The following STK38L variants were observed in gnomAD, a reference collection of about 807,000 sequenced individuals.
STK38L encodes the protein serine/threonine kinase 38 like, also known as serine/threonine-protein kinase 38-like.
STK38L carries 28 observed loss-of-function variants against 59.7 expected under a neutral mutation model. The observed-to-expected ratio is 0.47, with a 90% CI of 0.35 to 0.64. The LOEUF is 0.64. Ranked by LOEUF, STK38L falls within the 30% of genes least tolerant of loss-of-function variation. STK38L has a pLI of 0.01. For missense variants in STK38L, 314 were observed against 555.8 expected (o/e 0.56, Z 4.37); for synonymous variants, 162 against 176.8 (o/e 0.92, Z 0.66).
chr12:27,288,561 C>T (rs1343284990), intron 1 of STK38L, among the ~76,000 whole-genome samples: 3 of 152,070 alleles, frequency 2.0e-5, no homozygotes, highest in South Asian at 4.1e-4. Flanking sequence ...CCCAAATTCT[C>T]TAGATCACTG....
chr12:27,246,128 T>C (rs570477192), intron 1 of STK38L, among the ~76,000 whole-genome samples: 1 of 152,228 alleles, frequency 6.6e-6, no homozygotes, highest in South Asian at 2.1e-4. Context: ...ACTTGATTTC[T>C]AAAGGTAGGA....
intron 11 of STK38L, among the ~76,000 whole-genome samples, chr12:27,319,075 CCT>C (rs2136652684): frequency 6.6e-6 from 1 of 152,144 alleles, no homozygotes; most frequent in African/African-American, 2.4e-5. Context: ...AAAAAGCAGA[CCT>C]AACATAGTAA....
At chr12:27,303,184 C>T (rs938369593) in intron 3 of STK38L, among the ~76,000 whole-genome samples, 3 of 151,852 alleles carry the variant, frequency 2.0e-5, no homozygotes, top group African/African-American at 7.3e-5. Context: ...GCTTGGAACT[C>T]TTCCTCACTC....
At chr12:27,320,648 C>T (rs1238806220) in intron 12 of STK38L, among the ~76,000 whole-genome samples, 2 of 152,004 alleles carry the variant, frequency 1.3e-5, no homozygotes, top group Non-Finnish European at 2.9e-5. Flanking sequence ...GTTTTAAGTA[C>T]TTTACTTGCG....
chr12:27,314,290 A>G (rs1447067441), intron 6 of STK38L, among the ~76,000 whole-genome samples: 2 of 151,724 alleles, frequency 1.3e-5, no homozygotes, highest in African/African-American at 4.8e-5. Flanking sequence ...AATCTCAGCT[A>G]CTTGGGTGGC....
Position 27,322,433 on chromosome 12 carries a change from A to T in STK38L, c.1373A>T (p.Tyr458Phe). ...GLTQRGSIPTYMKAGKL is the reference protein window; with the variant it reads ...GLTQRGSIPTFMKAGKL The stretch of plus-strand genomic sequence containing the variant: ...ACTCAACGTGGCTCTATCCCCACCT[A>T]CATGAAAGCTGGGAAGTTATGAATG... Residue 458 changes from tyrosine (Y) to phenylalanine (F), a missense_variant, in exon 14 of 14, where the codon TAC becomes TTC. By Grantham distance (22) the Tyr-to-Phe change is conservative. Coordinates refer to ENST00000389032, the MANE Select transcript of STK38L (RefSeq NM_015000.4). 1 of 1,613,128 alleles carries T rather than the reference A, an allele frequency of 6.2e-7. No individual in the cohort carries two copies.
chr12:27,293,768 C>A (rs990633744), intron 1 of STK38L: 1 of 152,206 alleles, frequency 6.6e-6, no homozygotes, highest in Non-Finnish European at 1.5e-5. Context: ...TGTGTTATTT[C>A]TTTGTGCTTT....
chr12:27,272,484 C>T (rs1394716648), intron 1 of STK38L, among the ~76,000 whole-genome samples: 3 of 152,152 alleles, frequency 2.0e-5, no homozygotes, highest in Non-Finnish European at 4.4e-5. Flanking sequence ...TCTTTTCCCT[C>T]CTTTATATGG....
chr12:27,282,053 A>G (rs563211999), intron 1 of STK38L, among the ~76,000 whole-genome samples: 1 of 152,310 alleles, frequency 6.6e-6, no homozygotes, highest in South Asian at 2.1e-4. Flanking sequence ...ACACCAGAGT[A>G]AACTGACATT....
At chr12:27,277,033 T>C (rs1943551052) in intron 1 of STK38L, among the ~76,000 whole-genome samples, 1 of 152,212 alleles carries the variant, frequency 6.6e-6, no homozygotes, top group Non-Finnish European at 1.5e-5. Flanking sequence ...TTCACAACTC[T>C]TGAAGTATTT....
chr12:27,248,666 CTG>C (rs1478902275), intron 1 of STK38L, among the ~76,000 whole-genome samples: 2 of 152,136 alleles, frequency 1.3e-5, no homozygotes, highest in African/African-American at 4.8e-5. Flanking sequence ...GTCATAGTCT[CTG>C]TGAACGAATA....
At chr12:27,252,156 T>A (rs573973274) in intron 1 of STK38L, among the ~76,000 whole-genome samples, 386 of 152,240 alleles carry the variant, frequency 2.5e-3, no homozygotes, top group Non-Finnish European at 4.0e-3. Context: ...ATTTTTTGTA[T>A]TTTTAGTAGA....
intron 3 of STK38L, among the ~76,000 whole-genome samples, chr12:27,306,627 A>AT (rs2136643927): frequency 6.6e-6 from 1 of 151,850 alleles, no homozygotes; most frequent in Admixed American, 6.6e-5. Flanking sequence ...TATCAATGTA[A>AT]TTTTAGCTCC....
rs539184392 is a variant in STK38L at position 27,294,121 on chromosome 12, T to A, written c.-11-3589T>A. On this transcript the variant is annotated intron_variant, in intron 1 of 13. Transcript: ENST00000389032. Reference sequence around the variant, plus strand: ...CAAAAAGCATTTGAAGAGAACTATCTATGAACTGCAATTTTATATGCCTAG... The same window carrying A: ...CAAAAAGCATTTGAAGAGAACTATCAATGAACTGCAATTTTATATGCCTAG... Among the ~76,000 whole-genome samples, 4 of 152,362 alleles carry A rather than the reference T, an allele frequency of 2.6e-5. No homozygotes were observed. The East Asian group carries it at 7.7e-4, about 29-fold the overall frequency.
intron 1 of STK38L, chr12:27,293,479 C>T (rs1943941088): frequency 2.0e-5 from 3 of 152,368 alleles, no homozygotes; most frequent in South Asian, 2.1e-4. Flanking sequence ...TCTTGTTACT[C>T]AGTGTCTTAC....
intron 1 of STK38L, among the ~76,000 whole-genome samples, chr12:27,255,404 T>C (rs1354907774): frequency 6.6e-6 from 1 of 152,196 alleles, no homozygotes; most frequent in Non-Finnish European, 1.5e-5. Context: ...CACAAGATAT[T>C]GGACTGACAA....
chr12:27,294,358 A>G (rs1283710307), intron 1 of STK38L, among the ~76,000 whole-genome samples: 1 of 151,996 alleles, frequency 6.6e-6, no homozygotes, highest in Non-Finnish European at 1.5e-5. Flanking sequence ...CATCTCTACT[A>G]AATATACAAA....
chr12:27,297,932 A>G, intron 2 of STK38L, 78 bp downstream of exon 2: 2 of 1,512,332 alleles, frequency 1.3e-6, no homozygotes, highest in Non-Finnish European at 1.8e-6. Context: ...CTTGTTTACC[A>G]TGAATGATAT....
intron 1 of STK38L, among the ~76,000 whole-genome samples, chr12:27,285,229 A>T (rs1381636453): frequency 6.6e-6 from 1 of 152,218 alleles, no homozygotes; most frequent in Non-Finnish European, 1.5e-5. Flanking sequence ...AACAGCAAAC[A>T]AAATAACACA....
Sources: gnomAD v4.1 joint callset for allele counts (sites outside exome capture counted in the v4.1 genomes callset) on GRCh38, gnomAD v4.1.1 for gene constraint, MANE v1.5 for transcripts, NCBI Gene and HGNC (gene_info 2026-07-23, HGNC 2026-07-21) for gene names.